Variants in TTLL5 observed in about 807,000 individuals in gnomAD.
The protein encoded by TTLL5 is tubulin tyrosine ligase like 5.
A neutral mutation model predicts 168.4 loss-of-function variants in TTLL5; 132 were observed. The ratio of observed to expected loss-of-function variants is 0.78; its 90% CI spans 0.68 to 0.91. The LOEUF is 0.91. Ranked by LOEUF, TTLL5 falls within the 40% of genes least tolerant of loss-of-function variation. The probability of loss-of-function intolerance (pLI) is 0.00; values close to 1 mark genes in which losing one functional copy is unlikely to be tolerated. For synonymous variants in TTLL5, 546 were observed against 558.6 expected, an observed-to-expected ratio of 0.98 and a Z score of 0.32; for missense variants, 1,545 against 1,581.5, an observed-to-expected ratio of 0.98 and a Z score of 0.39.
intron 31 of TTLL5, among the ~76,000 whole-genome samples, chr14:75,929,501 G>T (rs1375261015): frequency 1.4e-5 from 2 of 139,032 alleles, no homozygotes; most frequent in Non-Finnish European, 3.0e-5. Context: ...GCCCAGGCTG[G>T]AGTACAGTGG....
At chr14:75,719,272 G>A (rs1288936635) in intron 10 of TTLL5, among the ~76,000 whole-genome samples, 1 of 152,210 alleles carries the variant, frequency 6.6e-6, no homozygotes, top group Non-Finnish European at 1.5e-5. Context: ...TCTGTGTGGG[G>A]TTATTTCATT....
chr14:75,751,304 C>A (rs1889934764), intron 17 of TTLL5, among the ~76,000 whole-genome samples: 1 of 152,176 alleles, frequency 6.6e-6, no homozygotes. Context: ...CATGTGATTT[C>A]TTTTTCCTTA....
chr14:75,941,357 C>T (rs932607944), intron 31 of TTLL5: 7 of 152,178 alleles, frequency 4.6e-5, no homozygotes, highest in South Asian at 4.2e-4. Flanking sequence ...CCCAGCTGTC[C>T]GTTTCTACTA....
chr14:75,773,818 A>G (rs1891484753), intron 21 of TTLL5, among the ~76,000 whole-genome samples: 1 of 149,092 alleles, frequency 6.7e-6, no homozygotes, highest in Admixed American at 6.7e-5. Flanking sequence ...TGAACCTGGC[A>G]GGCGGAGGTT....
chr14:75,779,521 A>T (rs1891921415), intron 23 of TTLL5, 54 bp from the exon 24 acceptor site: 2 of 1,583,238 alleles, frequency 1.3e-6, no homozygotes, highest in African/African-American at 2.7e-5. Flanking sequence ...AATCTGGTGG[A>T]AAGATTTTCC....
At chr14:75,696,182 ATTAATAAC>A (rs963107659) in intron 6 of TTLL5, among the ~76,000 whole-genome samples, 38 of 152,040 alleles carry the variant, frequency 2.5e-4, no homozygotes, top group Non-Finnish European at 5.4e-4. Context: ...GAGTGAGCCT[ATTAATAAC>A]TAGCCTGGTC....
chr14:75,914,683 G>A (rs528795851), intron 31 of TTLL5, among the ~76,000 whole-genome samples: 1 of 141,662 alleles, frequency 7.1e-6, no homozygotes, highest in Non-Finnish European at 1.5e-5. Flanking sequence ...GAATGCAATG[G>A]CCCAATCTCG....
intron 12 of TTLL5, among the ~76,000 whole-genome samples, chr14:75,726,094 T>C (rs1888172423): frequency 6.6e-6 from 1 of 152,236 alleles, no homozygotes; most frequent in African/African-American, 2.4e-5. Flanking sequence ...GCTGGGACTT[T>C]ATTTCTGGGG....
At position 75,771,744 on chromosome 14, in the gene TTLL5, G is replaced by T. The variant is rs1336395182; in HGVS notation, c.2026G>T (p.Ala676Ser). 6.2e-7 allele frequency: 1 copy of T among 1,613,552 alleles called. No homozygotes were observed. ...QDNGNLSKMQARIAFSAYLQH... is the reference protein window; with the variant it reads ...QDNGNLSKMQSRIAFSAYLQH... ...TTTGGATTTCTATAGCAAAATGCAG[G>T]CCCGAATAGCATTCTCTGCCTATCT... The change falls in exon 21 of 32, where the codon GCC becomes TCC. Residue 676 changes from alanine (A) to serine (S), a missense_variant. By Grantham distance (99) the Ala-to-Ser change is moderately conservative. Coordinates refer to ENST00000298832, the MANE Select transcript of TTLL5 (RefSeq NM_015072.5).
intron 7 of TTLL5, among the ~76,000 whole-genome samples, chr14:75,702,660 A>G (rs959404254): frequency 5.4e-5 from 5 of 92,092 alleles, no homozygotes; most frequent in Non-Finnish European, 1.5e-4. Flanking sequence ...CAGTGGGGTG[A>G]CATGTCTTAG....
chr14:75,707,062 C>T lies in TTLL5; in HGVS notation c.630C>T (p.Tyr210=), dbSNP rs745934202. ...SLEENILVSR[Y]INNPLLIDDF... ...AAGAGAACATTTTGGTCTCCCGTTACATTAACAACCCCCTGCTCATAGATG... is the reference window on the plus strand; with the variant it reads ...AAGAGAACATTTTGGTCTCCCGTTATATTAACAACCCCCTGCTCATAGATG... Residue 210 remains tyrosine (Y), a synonymous_variant, in exon 8 of 32, where the codon TAC becomes TAT. Transcript: ENST00000298832. 7 of 1,612,698 alleles carry T rather than the reference C, an allele frequency of 4.3e-6. No individual in the cohort carries two copies. The African/African-American group carries it at 5.3e-5, about 12-fold the overall frequency.
chr14:75,911,125 C>G lies in TTLL5; in HGVS notation c.3823+8901C>G, dbSNP rs1046655529. Among the ~76,000 whole-genome samples the G allele has an allele frequency of 8.5e-5, 13 of 152,234 alleles. No individual in the cohort carries two copies. In the South Asian group the frequency reaches 1.5e-3, roughly 17 times the overall value. On this transcript the variant is annotated intron_variant, in intron 31 of 31. Coordinates refer to ENST00000298832, the MANE Select transcript of TTLL5 (RefSeq NM_015072.5). ...TCACTGCAACTTCCGCCTCCCAGGT[C>G]CAAACAACTCTCGAGCCTTCGCCTC... is the stretch of plus-strand genomic sequence containing the variant.
At chr14:75,851,518 A>G (rs907996837) in intron 28 of TTLL5, among the ~76,000 whole-genome samples, 1 of 152,156 alleles carries the variant, frequency 6.6e-6, no homozygotes, top group Non-Finnish European at 1.5e-5. Flanking sequence ...TGCCTGAACC[A>G]TTGCTTCTCT....
At chr14:75,925,759 C>T (rs943140232) in intron 31 of TTLL5, among the ~76,000 whole-genome samples, 3 of 151,982 alleles carry the variant, frequency 2.0e-5, no homozygotes, top group African/African-American at 7.3e-5. Flanking sequence ...AGCCTGGGCA[C>T]CATTGAGCAC....
At chr14:75,785,602 T>A (rs1281214133) in intron 26 of TTLL5, among the ~76,000 whole-genome samples, 1 of 152,222 alleles carries the variant, frequency 6.6e-6, no homozygotes, top group Non-Finnish European at 1.5e-5. Flanking sequence ...TTCAGTTAAA[T>A]CAGCATCATT....
intron 26 of TTLL5, among the ~76,000 whole-genome samples, chr14:75,789,463 T>G (rs916032031): frequency 6.6e-6 from 1 of 152,168 alleles, no homozygotes; most frequent in Non-Finnish European, 1.5e-5. Flanking sequence ...CTTTCAAAAT[T>G]ACTTGCCAGA....
chr14:75,812,820 C>T (rs969270978), intron 27 of TTLL5, among the ~76,000 whole-genome samples: 1 of 152,158 alleles, frequency 6.6e-6, no homozygotes, highest in African/African-American at 2.4e-5. Context: ...AAGTAAGTTT[C>T]CCGTGGATCT....
chr14:75,926,085 GGGGAGAGGGAGAGGGAGA>G (rs377178355), intron 31 of TTLL5, among the ~76,000 whole-genome samples: 1 of 148,700 alleles, frequency 6.7e-6, no homozygotes, highest in African/African-American at 2.6e-5. Context: ...CGTGGGCCGT[GGGGAGAGGGAGAGGGAGA>G]GGGAGAGGGA....
chr14:75,945,280 C>T (rs1047001157), intron 31 of TTLL5, among the ~76,000 whole-genome samples: 8 of 149,598 alleles, frequency 5.3e-5, no homozygotes, highest in East Asian at 1.9e-4. Flanking sequence ...TTTTTTGAGA[C>T]GGAGTCTTGC....
Sources: allele counts gnomAD v4.1 joint callset (sites outside exome capture counted in the v4.1 genomes callset), GRCh38; gene constraint gnomAD v4.1.1; transcripts MANE v1.5; gene names NCBI Gene and HGNC (gene_info 2026-07-23, HGNC 2026-07-21).